C2CD3: variants seen among roughly 807,000 people sequenced by gnomAD.
C2CD3 encodes the protein C2 domain containing 3 centriole elongation regulator.
In C2CD3, 148 loss-of-function variants were observed where a neutral mutation model predicts 234.0. The ratio of observed to expected loss-of-function variants is 0.63; its 90% CI spans 0.55 to 0.72. The LOEUF is 0.72. Ranked by LOEUF, C2CD3 falls within the 30% of genes least tolerant of loss-of-function variation. The pLI, the probability that C2CD3 is intolerant of heterozygous loss-of-function variation, is 0.00. For missense variants in C2CD3, 2,577 were observed against 2,811.5 expected (o/e 0.92, Z 1.89); for synonymous variants, 1,000 against 1,035.4 (o/e 0.97, Z 0.66).
intron 19 of C2CD3, chr11:74,091,254 G>C (rs1026318406): frequency 4.9e-6 from 1 of 202,486 alleles, no homozygotes; most frequent in Non-Finnish European, 1.0e-5. Context: ...AATTGAGATG[G>C]GCTCTAGCCA....
rs1219682836 is a variant in C2CD3 at position 74,098,072 on chromosome 11, G to A, written c.2916C>T (p.Leu972=). 1.2e-6 allele frequency: 2 copies of A among 1,612,868 alleles called. No homozygotes were observed. Among genetic ancestry groups the A allele is most frequent in the Middle Eastern group, 1.7e-4 (1 of 6,060 alleles). Residue 972 remains leucine, a synonymous_variant, in exon 16 of 33, where the codon CTC becomes CTT. Coordinates refer to ENST00000334126, the MANE Select transcript of C2CD3 (RefSeq NM_001286577.2). ...GGGCTGGCCTAGGGCTGAAGGGAGG[G>A]AGTGTTCCTTCTTCATTCTTTAATC... The part of the protein sequence containing the change: ...LQRLKNEEGT[L]PPFSPRPAHF...
chr11:74,043,521 T>C (rs569909690), intron 28 of C2CD3, among the ~76,000 whole-genome samples: 1 of 152,354 alleles, frequency 6.6e-6, no homozygotes, highest in Admixed American at 6.5e-5. Flanking sequence ...TACTGGGTCA[T>C]ATGGTTACTC....
intron 24 of C2CD3, among the ~76,000 whole-genome samples, chr11:74,061,952 A>C (rs953162266): frequency 4.6e-5 from 7 of 152,164 alleles, no homozygotes; most frequent in Non-Finnish European, 8.8e-5. Flanking sequence ...TGGAAAACAA[A>C]AAAAAAGCAG....
intron 3 of C2CD3, among the ~76,000 whole-genome samples, chr11:74,144,540 T>A (rs1158409317): frequency 5.3e-5 from 8 of 152,198 alleles, no homozygotes; most frequent in Admixed American, 5.2e-4. Flanking sequence ...ACAGATTATT[T>A]CATTACCCAG....
At chr11:74,049,666 G>C in intron 26 of C2CD3, 124 bp from the exon 27 acceptor site, 1 of 706,992 alleles carries the variant, frequency 1.4e-6, no homozygotes, top group Non-Finnish European at 2.3e-6. Flanking sequence ...AGCCATCAGA[G>C]AAGACAGATA....
At chr11:74,132,770 T>C in intron 7 of C2CD3, 74 bp downstream of exon 7, 3 of 1,424,978 alleles carry the variant, frequency 2.1e-6, no homozygotes, top group Non-Finnish European at 2.9e-6. Flanking sequence ...TTTAGGAAGA[T>C]GAATCTGATA....
chr11:74,076,167 G>T (rs1443603328), intron 23 of C2CD3, among the ~76,000 whole-genome samples: 1 of 152,124 alleles, frequency 6.6e-6, no homozygotes, highest in Non-Finnish European at 1.5e-5. Context: ...AGGGACTCTA[G>T]GCCTGCCCAG....
intron 24 of C2CD3, among the ~76,000 whole-genome samples, chr11:74,058,553 G>A (rs867575846): frequency 1.4e-4 from 22 of 152,136 alleles, no homozygotes; most frequent in Middle Eastern, 3.4e-3. Flanking sequence ...TTATTAAATG[G>A]TAGAACTGAG....
chr11:74,165,999 C>A (rs1186240391), intron 2 of C2CD3, among the ~76,000 whole-genome samples: 1 of 151,808 alleles, frequency 6.6e-6, no homozygotes, highest in African/African-American at 2.4e-5. Flanking sequence ...AGCCTCTTAT[C>A]GCTTCATTTT....
chr11:74,082,628 A>G (rs1955439124), intron 22 of C2CD3, among the ~76,000 whole-genome samples: 1 of 152,132 alleles, frequency 6.6e-6, no homozygotes, highest in Admixed American at 6.5e-5. Flanking sequence ...CATCCCAGGG[A>G]TGAAGCCAAC....
chr11:74,105,913 C>T (rs902029251), intron 13 of C2CD3, among the ~76,000 whole-genome samples: 48 of 152,154 alleles, frequency 3.2e-4, no homozygotes, highest in African/African-American at 1.1e-3. Context: ...AGGCTAAAAT[C>T]TAAACTCTTT....
At position 74,113,900 on chromosome 11, in the gene C2CD3, G is replaced by T. The variant is rs768523944; in HGVS notation, c.1731-8C>A. On this transcript the variant is annotated splice_region_variant and splice_polypyrimidine_tract_variant and intron_variant, in intron 10 of 32. Transcript: ENST00000334126. ...TATTCTACAAAGAAAGTGCTAAAAAGAAAAAAAAAGTGATTAAAAACTAAC... is the reference window on the plus strand; with the variant it reads ...TATTCTACAAAGAAAGTGCTAAAAATAAAAAAAAAGTGATTAAAAACTAAC... 1 of 1,457,294 alleles carries T rather than the reference G, an allele frequency of 6.9e-7. No individual in the cohort carries two copies. Among genetic ancestry groups the T allele is most frequent in the Non-Finnish European group, 9.4e-7 (1 of 1,068,142 alleles). 90.3% of individuals were successfully genotyped at this position (1,457,294 alleles called of 1,614,324 possible).
intron 22 of C2CD3, among the ~76,000 whole-genome samples, chr11:74,081,963 T>C (rs569425807): frequency 1.3e-5 from 2 of 152,278 alleles, no homozygotes; most frequent in African/African-American, 2.4e-5. Flanking sequence ...CTTTTCCTAA[T>C]TGAACATCCT....
In C2CD3 at chr11:74,013,647, A is replaced by C. The variant is rs1444023300; in HGVS notation, c.6922-122T>G. ...TTATGTAGAGCTGCCTGGTTTACAA[A>C]GCGCTTTACGTACCTTATCTTGCTT... On this transcript the variant is annotated intron_variant, in intron 32 of 32. Transcript: ENST00000334126. 5 of 546,538 alleles carry C rather than the reference A, an allele frequency of 9.1e-6. No individual in the cohort carries two copies. The East Asian group carries it at 1.8e-4, about 19-fold the overall frequency. 33.9% of individuals were successfully genotyped at this position (546,538 alleles called of 1,614,324 possible). A position where few individuals can be genotyped will look rare whatever the true frequency, so the allele number is the denominator to read the frequency against.
intron 29 of C2CD3, among the ~76,000 whole-genome samples, chr11:74,040,378 A>G (rs2135419854): frequency 6.6e-6 from 1 of 152,260 alleles, no homozygotes; most frequent in Admixed American, 6.5e-5. Context: ...ACTATTGATC[A>G]ATTTTTAACT....
chr11:74,148,817 G>GGGTT (rs1855396306), intron 3 of C2CD3, among the ~76,000 whole-genome samples: 8 of 152,122 alleles, frequency 5.3e-5, no homozygotes, highest in Non-Finnish European at 1.0e-4. Context: ...CTTTTCAGGA[G>GGGTT]AGATCCCATG....
In C2CD3 at chr11:74,152,650, C is replaced by T. The variant is rs75311219; in HGVS notation, c.483+8749G>A. Among the ~76,000 whole-genome samples the T allele has an allele frequency of 1.0e-2, 1,516 of 152,238 alleles. 20 individuals are homozygous for T. The highest frequency in any genetic ancestry group is 0.034 in the African/African-American group (1,429 of 41,536). ...TCATCCTCACTGAAACATTAAATCA[C>T]AATAATATATAAAATGGCTAATACT... On this transcript the variant is annotated intron_variant, in intron 3 of 32. Transcript: ENST00000334126.
chr11:74,103,047 A>AT (rs1246175947), intron 14 of C2CD3, 84 bp downstream of exon 14: 16 of 1,359,082 alleles, frequency 1.2e-5, no homozygotes, highest in Non-Finnish European at 1.4e-5. Context: ...TGAACATTCT[A>AT]GATTTAAGAC....
intron 5 of C2CD3, among the ~76,000 whole-genome samples, chr11:74,134,369 G>T (rs1045892775): frequency 2.0e-5 from 3 of 152,176 alleles, no homozygotes; most frequent in Admixed American, 2.0e-4. Flanking sequence ...ATGGCAGCAT[G>T]TGCCCATGGT....
Sources: gnomAD v4.1 joint callset for allele counts (sites outside exome capture counted in the v4.1 genomes callset) on GRCh38, gnomAD v4.1.1 for gene constraint, MANE v1.5 for transcripts, NCBI Gene and HGNC (gene_info 2026-07-23, HGNC 2026-07-21) for gene names.